Variants in PABPC4L observed in about 807,000 individuals in gnomAD.
PABPC4L encodes poly(A) binding protein cytoplasmic 4 like.
For missense variants in PABPC4L, 452 were observed against 451.4 expected (o/e 1.00, Z -0.01); for synonymous variants, 169 against 164.1 (o/e 1.03, Z -0.23).
the PABPC4L span, among the ~76,000 whole-genome samples, chr4:134,023,002 CT>C: frequency 1.3e-5 from 2 of 151,782 alleles, no homozygotes; most frequent in South Asian, 4.2e-4. Flanking sequence ...GGGGAAAAGA[CT>C]TTCAGCTCCT....
the PABPC4L span, among the ~76,000 whole-genome samples, chr4:133,953,930 G>A: frequency 6.6e-6 from 1 of 152,190 alleles, no homozygotes. Flanking sequence ...TTTAGAAGTG[G>A]CCTCATTTCC....
chr4:133,968,452 C>G, the PABPC4L span, among the ~76,000 whole-genome samples: 1 of 152,152 alleles, frequency 6.6e-6, no homozygotes, highest in African/African-American at 2.4e-5. Flanking sequence ...AATCCATTGT[C>G]TAGGACGTCT....
the PABPC4L span, among the ~76,000 whole-genome samples, chr4:134,185,074 T>C: frequency 6.6e-6 from 1 of 152,008 alleles, no homozygotes; most frequent in Non-Finnish European, 1.5e-5. Flanking sequence ...TAATAATCCT[T>C]TATCAGGTGT....
chr4:134,072,444 C>A, the PABPC4L span, among the ~76,000 whole-genome samples: 2 of 152,140 alleles, frequency 1.3e-5, no homozygotes, highest in South Asian at 2.1e-4. Context: ...AAATGTGACT[C>A]CATAGGGATA....
At chr4:134,133,066 ATAATT>A in the PABPC4L span, among the ~76,000 whole-genome samples, 1 of 137,192 alleles carries the variant, frequency 7.3e-6, no homozygotes, top group South Asian at 2.1e-4. Flanking sequence ...TTTTGTATAT[ATAATT>A]TATCACATAT....
the PABPC4L span, among the ~76,000 whole-genome samples, chr4:134,072,465 T>G: frequency 6.6e-6 from 1 of 152,156 alleles, no homozygotes; most frequent in Non-Finnish European, 1.5e-5. Context: ...CCTTGTCAAT[T>G]TTAATTTTGT....
At chr4:134,187,653 G>T in the PABPC4L span, among the ~76,000 whole-genome samples, 1 of 151,976 alleles carries the variant, frequency 6.6e-6, no homozygotes, top group Non-Finnish European at 1.5e-5. Context: ...TTGGAGAATT[G>T]ACTCCTTTAT....
chr4:134,184,421 C>T, the PABPC4L span, among the ~76,000 whole-genome samples: 1 of 151,962 alleles, frequency 6.6e-6, no homozygotes, highest in Non-Finnish European at 1.5e-5. Flanking sequence ...TCCCCACCAC[C>T]ACTGGCAACC....
the PABPC4L span, among the ~76,000 whole-genome samples, chr4:134,018,064 C>T: frequency 2.0e-5 from 3 of 152,216 alleles, no homozygotes; most frequent in East Asian, 1.9e-4. Context: ...TAACTGATGA[C>T]ATTCCACCAC....
chr4:133,982,446 A>T, the PABPC4L span, among the ~76,000 whole-genome samples: 1 of 152,048 alleles, frequency 6.6e-6, no homozygotes, highest in Non-Finnish European at 1.5e-5. Context: ...AGGGAAACTT[A>T]AGAAATAGTT....
chr4:134,189,902 G>T, the PABPC4L span, among the ~76,000 whole-genome samples: 1 of 151,974 alleles, frequency 6.6e-6, no homozygotes, highest in Non-Finnish European at 1.5e-5. Flanking sequence ...TTCTCTTGAG[G>T]GTAGGCCTTA....
rs976615462 is a variant in PABPC4L at position 134,199,799 on chromosome 4, A to G, written c.*108T>C. 3 of 1,364,036 alleles carry G rather than the reference A, an allele frequency of 2.2e-6. No homozygotes were observed. In the African/African-American group the frequency reaches 4.5e-5, roughly 20 times the overall value. 84.5% of individuals were successfully genotyped at this position (1,364,036 alleles called of 1,614,324 possible). ...TTTTATCATAAAGTTTACTAAACTA[A>G]GCACCCATCATGTGGAATATGAAAT... On this transcript the variant is annotated 3_prime_UTR_variant, in exon 2 of 2. Transcript: ENST00000421491.
chr4:134,084,961 G>A, the PABPC4L span, among the ~76,000 whole-genome samples: 4 of 152,054 alleles, frequency 2.6e-5, no homozygotes, highest in Non-Finnish European at 5.9e-5. Context: ...AAAGGGAAAG[G>A]GGGTCTTGCC....
At chr4:134,131,869 C>T in the PABPC4L span, among the ~76,000 whole-genome samples, 2 of 151,682 alleles carry the variant, frequency 1.3e-5, no homozygotes, top group South Asian at 2.1e-4. Context: ...CAAATAGGCA[C>T]ATATAACAAT....
the PABPC4L span, among the ~76,000 whole-genome samples, chr4:134,158,168 T>C: frequency 6.6e-6 from 1 of 151,924 alleles, no homozygotes; most frequent in Non-Finnish European, 1.5e-5. Context: ...TTTGAAGTAA[T>C]ATCTTTCACT....
chr4:133,998,419 CTTTTA>C, the PABPC4L span, among the ~76,000 whole-genome samples: 2 of 151,854 alleles, frequency 1.3e-5, no homozygotes, highest in African/African-American at 4.8e-5. Context: ...GTATCATTTT[CTTTTA>C]TATCTACTTG....
the PABPC4L span, among the ~76,000 whole-genome samples, chr4:134,180,354 T>A: frequency 7.3e-5 from 11 of 151,262 alleles, no homozygotes; most frequent in African/African-American, 2.4e-4. Flanking sequence ...GAAAAAAAAA[T>A]ACAACACACC....
At chr4:134,147,878 G>A in the PABPC4L span, among the ~76,000 whole-genome samples, 2 of 151,962 alleles carry the variant, frequency 1.3e-5, no homozygotes, top group Non-Finnish European at 2.9e-5. Flanking sequence ...AGAAAAGGCA[G>A]TCATAAAGGA....
chr4:134,048,869 C>T, the PABPC4L span, among the ~76,000 whole-genome samples: 1 of 152,066 alleles, frequency 6.6e-6, no homozygotes. Flanking sequence ...GAATTGGATA[C>T]ACTTCCTATT....
Sources: allele counts gnomAD v4.1 joint callset (sites outside exome capture counted in the v4.1 genomes callset), GRCh38; gene constraint gnomAD v4.1.1; transcripts MANE v1.5; gene names NCBI Gene and HGNC (gene_info 2026-07-23, HGNC 2026-07-21).